The following CARMIL1 variants were observed in gnomAD, a reference collection of about 807,000 sequenced individuals.
The protein encoded by CARMIL1 is capping protein regulator and myosin 1 linker 1.
In CARMIL1, 90 loss-of-function variants were observed where a neutral mutation model predicts 177.1. The observed-to-expected ratio is 0.51, with a 90% CI of 0.43 to 0.61. The LOEUF is 0.61. Ranked by LOEUF, CARMIL1 falls within the 20% of genes least tolerant of loss-of-function variation. The pLI, the probability that CARMIL1 is intolerant of heterozygous loss-of-function variation, is 0.00. For synonymous variants in CARMIL1, 577 were observed against 606.2 expected (o/e 0.95, Z 0.71); for missense variants, 1,380 against 1,667.0 (o/e 0.83, Z 3.00).
rs150634035 is a variant in CARMIL1, at chr6:25,404,936, C to T, written c.139-15178C>T. ...TTGTTTGTTGGTTCCCACTGAGGCA[C>T]GGCGGAGGAGGCACAGCTGTGCAGA... On this transcript the variant is annotated intron_variant, in intron 2 of 36. Transcript: ENST00000329474. Among the ~76,000 whole-genome samples, 805 of 152,212 alleles carry T rather than the reference C, an allele frequency of 5.3e-3. 8 individuals are homozygous for T. The highest frequency in any genetic ancestry group is 0.012 in the African/African-American group (510 of 41,522).
At chr6:25,322,230 C>T (rs1014439369) in intron 2 of CARMIL1, among the ~76,000 whole-genome samples, 1 of 152,196 alleles carries the variant, frequency 6.6e-6, no homozygotes, top group African/African-American at 2.4e-5. Context: ...TCAAACAATT[C>T]TTGTGCCTCA....
chr6:25,518,678 C>T (rs1806250364), intron 22 of CARMIL1, among the ~76,000 whole-genome samples: 1 of 152,188 alleles, frequency 6.6e-6, no homozygotes, highest in African/African-American at 2.4e-5. Flanking sequence ...TGTAGACTGC[C>T]AGTGCAGGCT....
intron 2 of CARMIL1, among the ~76,000 whole-genome samples, chr6:25,396,902 G>A (rs1793449518): frequency 6.6e-6 from 1 of 152,078 alleles, no homozygotes. Flanking sequence ...GCAGAGTAGG[G>A]ATGAGAACCT....
At chr6:25,458,007 TGGCA>T (rs761989938) in intron 8 of CARMIL1, among the ~76,000 whole-genome samples, 1 of 152,132 alleles carries the variant, frequency 6.6e-6, no homozygotes, top group Non-Finnish European at 1.5e-5. Flanking sequence ...TTCAGAGAGA[TGGCA>T]GGCAGGGGAA....
At chr6:25,585,474 C>G (rs902280805) in intron 31 of CARMIL1, among the ~76,000 whole-genome samples, 1 of 152,084 alleles carries the variant, frequency 6.6e-6, no homozygotes, top group Non-Finnish European at 1.5e-5. Flanking sequence ...GTTGTAATGA[C>G]CGATTTTTGT....
At chr6:25,380,093 A>G (rs186915212) in intron 2 of CARMIL1, among the ~76,000 whole-genome samples, 163 of 152,320 alleles carry the variant, frequency 1.1e-3, no homozygotes, top group Admixed American at 4.3e-3. Context: ...CTATTCTTCT[A>G]AAGCTGTGTC....
chr6:25,584,026 C>CTTTTTTTTTTT (rs71544648), intron 31 of CARMIL1, among the ~76,000 whole-genome samples: 93 of 119,084 alleles, frequency 7.8e-4, no homozygotes, highest in Non-Finnish European at 1.0e-3. Context: ...TTTTCTTTTT[C>CTTTTTTTTTTT]TTTTTTTTTT....
chr6:25,464,999 A>G (rs1220208149), intron 8 of CARMIL1, among the ~76,000 whole-genome samples: 1 of 148,164 alleles, frequency 6.7e-6, no homozygotes, highest in African/African-American at 2.5e-5. Context: ...ATGGTCAAAG[A>G]GCTGATATGA....
intron 29 of CARMIL1, among the ~76,000 whole-genome samples, chr6:25,559,109 C>A (rs1023421860): frequency 9.2e-5 from 14 of 152,108 alleles, no homozygotes; most frequent in Admixed American, 6.6e-4. Context: ...AAAGATAGAA[C>A]CTTTCACATG....
chr6:25,345,891 A>G (rs930876568), intron 2 of CARMIL1, among the ~76,000 whole-genome samples: 3 of 152,230 alleles, frequency 2.0e-5, no homozygotes, highest in African/African-American at 7.2e-5. Context: ...TGCTGGGATT[A>G]CAGGTGTGAG....
chr6:25,364,150 GC>G (rs1434593641), intron 2 of CARMIL1, among the ~76,000 whole-genome samples: 3 of 151,694 alleles, frequency 2.0e-5, no homozygotes, highest in African/African-American at 7.3e-5. Flanking sequence ...TCACTATGTT[GC>G]CTCGGCTGGT....
chr6:25,306,078 T>A (rs777075396), intron 2 of CARMIL1, among the ~76,000 whole-genome samples: 1 of 152,118 alleles, frequency 6.6e-6, no homozygotes, highest in Non-Finnish European at 1.5e-5. Context: ...AAACACTGAG[T>A]CCTCATTCCA....
chr6:25,304,516 G>T (rs987017776), intron 2 of CARMIL1, among the ~76,000 whole-genome samples: 10 of 152,160 alleles, frequency 6.6e-5, no homozygotes, highest in Non-Finnish European at 1.0e-4. Flanking sequence ...TGTGCAGCCT[G>T]CTTCCCTCGC....
rs1026475016 is a variant in CARMIL1, at chr6:25,396,608, C to T, written c.139-23506C>T. Among the ~76,000 whole-genome samples, 33 of 152,156 alleles carry T rather than the reference C, an allele frequency of 2.2e-4. 2 individuals carry two copies. Among genetic ancestry groups the T allele is most frequent in the Admixed American group, 1.6e-3 (25 of 15,286 alleles). On this transcript the variant is annotated intron_variant, in intron 2 of 36. Coordinates refer to ENST00000329474, the MANE Select transcript of CARMIL1 (RefSeq NM_017640.6). Reference sequence around the variant, plus strand: ...AACTGCTGACCTCAAGTGATCTGCCCGCCTCGGCCTCCCAAAGTGCTGGGA... The same window carrying T: ...AACTGCTGACCTCAAGTGATCTGCCTGCCTCGGCCTCCCAAAGTGCTGGGA...
intron 16 of CARMIL1, among the ~76,000 whole-genome samples, chr6:25,498,473 T>C (rs1803963267): frequency 6.6e-6 from 1 of 152,222 alleles, no homozygotes; most frequent in African/African-American, 2.4e-5. Context: ...AGTTGTTGCC[T>C]CCTAATCATT....
At chr6:25,603,980 C>G (rs1454652101) in intron 33 of CARMIL1, among the ~76,000 whole-genome samples, 1 of 152,144 alleles carries the variant, frequency 6.6e-6, no homozygotes, top group Admixed American at 6.5e-5. Flanking sequence ...TCATGTGGTT[C>G]TACCTCAAAG....
intron 2 of CARMIL1, among the ~76,000 whole-genome samples, chr6:25,401,253 C>T (rs1793858550): frequency 1.3e-5 from 2 of 150,472 alleles, no homozygotes; most frequent in Non-Finnish European, 3.0e-5. Flanking sequence ...TTTTAATATT[C>T]CCCCCCAGAA....
rs188355055 is a variant in CARMIL1 at position 25,325,254 on chromosome 6, C to T, written c.138+40345C>T. The stretch of plus-strand genomic sequence containing the variant: ...TAGAGAATTCATTGAAACTTGAATA[C>T]GTGCCATTATGTGAGGCAGAAGTGT... On this transcript the variant is annotated intron_variant, in intron 2 of 36. Transcript: ENST00000329474. Among the ~76,000 whole-genome samples, 176 of 152,226 alleles carry T rather than the reference C, an allele frequency of 1.2e-3. 3 individuals carry two copies. Among genetic ancestry groups the T allele is most frequent in the East Asian group, 1.9e-4 (1 of 5,182 alleles).
chr6:25,445,513 A>AT (rs1420844880), intron 5 of CARMIL1, among the ~76,000 whole-genome samples: 1 of 150,950 alleles, frequency 6.6e-6, no homozygotes, highest in African/African-American at 2.4e-5. Context: ...ATGGCTGCTT[A>AT]TATTGCCTTA....
Sources: allele counts gnomAD v4.1 joint callset (sites outside exome capture counted in the v4.1 genomes callset), GRCh38; gene constraint gnomAD v4.1.1; transcripts MANE v1.5; gene names NCBI Gene and HGNC (gene_info 2026-07-23, HGNC 2026-07-21).